AMZ1: variants seen among roughly 807,000 people sequenced by gnomAD.
AMZ1 encodes the protein archaemetzincin-1.
In AMZ1, 39 loss-of-function variants were observed where a neutral mutation model predicts 29.9. The observed-to-expected ratio is 1.30, with a 90% CI of 1.01 to 1.70. The LOEUF (loss-of-function observed/expected upper bound fraction) is 1.70. Ranked by LOEUF, AMZ1 falls within the 40% of genes most tolerant of loss-of-function variation. The pLI, the probability that AMZ1 is intolerant of heterozygous loss-of-function variation, is 0.00. For synonymous variants in AMZ1, 458 were observed against 304.0 expected (o/e 1.51, Z -5.27); for missense variants, 1,041 against 680.6 (o/e 1.53, Z -5.89).
At chr7:2,734,812 G>A (rs1044045559) in intron 4 of AMZ1, among the ~76,000 whole-genome samples, 11 of 152,172 alleles carry the variant, frequency 7.2e-5, no homozygotes, top group Non-Finnish European at 1.6e-4. Context: ...GTGGCAGGAC[G>A]GGGCGAGCAC....
At chr7:2,708,564 C>T (rs770619087) in intron 3 of AMZ1, 24 bp from the exon 4 acceptor site, 14 of 1,610,944 alleles carry the variant, frequency 8.7e-6, no homozygotes, top group Admixed American at 1.7e-5. Flanking sequence ...CTCCTGACCC[C>T]ATCCTCTGGC....
chr7:2,733,432 G>A (rs1482485584), intron 4 of AMZ1: 10 of 1,610,708 alleles, frequency 6.2e-6, no homozygotes, highest in Non-Finnish European at 8.5e-6. Context: ...AGCTTCTTCG[G>A]GCGGGCGTGC....
At chr7:2,746,712 A>T (rs1002756792) in intron 4 of AMZ1, among the ~76,000 whole-genome samples, 2 of 151,838 alleles carry the variant, frequency 1.3e-5, no homozygotes, top group Non-Finnish European at 2.9e-5. Flanking sequence ...ACCCTTCAAA[A>T]AATTAATGAA....
intron 3 of AMZ1, among the ~76,000 whole-genome samples, chr7:2,706,757 G>A (rs1240242029): frequency 6.6e-6 from 1 of 151,706 alleles, no homozygotes; most frequent in African/African-American, 2.4e-5. Flanking sequence ...AACAATGGCA[G>A]GTTCCGGGGG....
At position 2,719,008 on chromosome 7, in the gene AMZ1, C is replaced by T. The variant is rs1330683329; in HGVS notation, c.*6130C>T. On this transcript the variant is annotated 3_prime_UTR_variant, in exon 7 of 7. Transcript: ENST00000683327. ...GGAGGGAAGCTGCAAGAACAGGCGA[C>T]TTTTTTTTTTTTTTTTCCCCCCCAT... 9.5e-6 allele frequency among the ~76,000 whole-genome samples: 1 copy of T among 104,910 alleles called. No homozygotes were observed. Among genetic ancestry groups the T allele is most frequent in the South Asian group, 2.7e-4 (1 of 3,744 alleles). 68.8% of individuals were successfully genotyped at this position (104,910 alleles called of 152,430 possible).
chr7:2,704,121 C>T (rs1471136619), intron 3 of AMZ1, among the ~76,000 whole-genome samples: 2 of 152,212 alleles, frequency 1.3e-5, no homozygotes, highest in African/African-American at 4.8e-5. Context: ...GATCTCCTGA[C>T]CGCATGATCT....
In AMZ1 at chr7:2,735,650, C is replaced by G. The variant is rs112067403; in HGVS notation, n.550+25834C>G. On this transcript the variant is annotated intron_variant and non_coding_transcript_variant, in intron 4 of 4. Transcript: ENST00000489665. ...CAAACACTCACTGCTGCTTTCTCCA[C>G]GATGACTGAATGAGGATGGCTCATT... is the stretch of plus-strand genomic sequence containing the variant. 6.5e-3 allele frequency among the ~76,000 whole-genome samples: 986 copies of G among 152,342 alleles called. 11 individuals are homozygous for G. Among genetic ancestry groups the G allele is most frequent in the African/African-American group, 0.022 (915 of 41,576 alleles).
intron 4 of AMZ1, among the ~76,000 whole-genome samples, chr7:2,756,256 A>G (rs1384414779): frequency 6.6e-6 from 1 of 152,210 alleles, no homozygotes; most frequent in Non-Finnish European, 1.5e-5. Flanking sequence ...CATAACTTAA[A>G]AAAAACTCTC....
intron 1 of AMZ1, 45 bp from the exon 2 acceptor site, chr7:2,700,189 C>CTG: frequency 1.9e-6 from 1 of 526,766 alleles, no homozygotes; most frequent in South Asian, 2.6e-5. Context: ...ACATCGGGCC[C>CTG]TGTGTGCTCG....
chr7:2,752,105 T>C (rs905433964), intron 4 of AMZ1, among the ~76,000 whole-genome samples: 7 of 152,142 alleles, frequency 4.6e-5, no homozygotes, highest in Non-Finnish European at 7.4e-5. Flanking sequence ...AACAAAACTT[T>C]AGCAATTTAA....
Position 2,700,633 on chromosome 7 carries a change from G to T in AMZ1, c.182G>T (p.Arg61Leu). 1.2e-6 allele frequency: 2 copies of T among 1,611,398 alleles called. No individual in the cohort carries two copies. The highest frequency in any genetic ancestry group is 2.2e-5 in the South Asian group (2 of 91,084). Reference sequence around the variant, plus strand: ...ACGCTCTTCTGCACCCTGCTCATCCGCACGGGCTTCGACTGGCTCCTGAGC... The same window carrying T: ...ACGCTCTTCTGCACCCTGCTCATCCTCACGGGCTTCGACTGGCTCCTGAGC... The part of the protein sequence containing the change: ...QRTLFCTLLI[R>L]TGFDWLLSRP... The change falls in exon 2 of 7, where the codon CGC becomes CTC. Residue 61 changes from arginine to leucine, a missense_variant. Transcript: ENST00000683327.
intron 1 of AMZ1, among the ~76,000 whole-genome samples, chr7:2,693,654 C>T (rs1787537833): frequency 6.6e-6 from 1 of 152,230 alleles, no homozygotes; most frequent in African/African-American, 2.4e-5. Context: ...CTCCCGGGTT[C>T]ACTCCATTCT....
chr7:2,712,878 G>T lies in AMZ1; in HGVS notation c.1497G>T (p.Ter499TyrextTer20), dbSNP rs752316957. 56 of 1,516,156 alleles carry T rather than the reference G, an allele frequency of 3.7e-5. No homozygotes were observed. Among genetic ancestry groups the T allele is most frequent in the Non-Finnish European group, 4.5e-5 (51 of 1,132,256 alleles). The allele number at this position is 1,516,156 out of a possible 1,614,324, so 93.9% of individuals were successfully genotyped here. ...GTCCCTGGGATGGGGAAGAGAGTTA[G>T]TACAGCAGGGGCTGCCCTACGTCTC... The part of the protein sequence containing the change: ...APRPWDGEES[*>Y] The change falls in exon 7 of 7, where the codon TAG becomes TAT. Residue 499 changes from the stop codon to tyrosine (Y), a stop_lost. Transcript: ENST00000683327.
chr7:2,696,291 C>T (rs531629710), intron 1 of AMZ1, among the ~76,000 whole-genome samples: 2 of 141,538 alleles, frequency 1.4e-5, no homozygotes, highest in South Asian at 2.3e-4. Flanking sequence ...GAGTCTCGCT[C>T]TGTCACCCAG....
intron 4 of AMZ1, among the ~76,000 whole-genome samples, chr7:2,732,046 C>T (rs1304019402): frequency 6.6e-6 from 1 of 152,198 alleles, no homozygotes; most frequent in Non-Finnish European, 1.5e-5. Flanking sequence ...AGGAAATTTA[C>T]CATCTTTTTT....
In AMZ1 at chr7:2,731,303, G is replaced by A. The variant is rs1336567198; in HGVS notation, n.550+21487G>A. The A allele has an allele frequency of 1.9e-6, 3 of 1,613,846 alleles. No individual in the cohort carries two copies. The highest frequency in any genetic ancestry group is 2.5e-6 in the Non-Finnish European group (3 of 1,179,902). ...AAGTGGTGGAAGAGTGGCTTGCTGC[G>A]GTTCCGTCTCTTCCTGTCGAAGCAC... is the stretch of plus-strand genomic sequence containing the variant. On this transcript the variant is annotated intron_variant and non_coding_transcript_variant, in intron 4 of 4. Coordinates refer to the AMZ1 transcript ENST00000489665. The surrounding 1 kb of genome is among the most constrained non-coding windows in gnomAD (Gnocchi z 6.0).
chr7:2,697,492 T>C (rs1231940391), intron 1 of AMZ1, among the ~76,000 whole-genome samples: 1 of 152,112 alleles, frequency 6.6e-6, no homozygotes, highest in Non-Finnish European at 1.5e-5. Flanking sequence ...GGCACGATCA[T>C]GGCTCACTGC....
intron 3 of AMZ1, 81 bp downstream of exon 3, chr7:2,702,970 AG>A: frequency 2.1e-6 from 3 of 1,458,206 alleles, no homozygotes; most frequent in Non-Finnish European, 2.7e-6. Flanking sequence ...CGCCCAGGAG[AG>A]GAAGGGAACC....
In AMZ1 at chr7:2,717,069, C is replaced by G. The variant is rs965473470; in HGVS notation, c.*4191C>G. Among the ~76,000 whole-genome samples, 1 of 152,186 alleles carries G rather than the reference C, an allele frequency of 6.6e-6. No homozygotes were observed. Among genetic ancestry groups the G allele is most frequent in the African/African-American group, 2.4e-5 (1 of 41,442 alleles). On this transcript the variant is annotated 3_prime_UTR_variant, in exon 7 of 7. Coordinates refer to ENST00000683327, the MANE Select transcript of AMZ1 (RefSeq NM_001384743.1). Reference sequence around the variant, plus strand: ...CTGATCCCTGAGCAGCCCCCACACACCGGCACCCACGCCCCTCGGTTCTGA... The same window carrying G: ...CTGATCCCTGAGCAGCCCCCACACAGCGGCACCCACGCCCCTCGGTTCTGA...
Sources: gnomAD v4.1 joint callset for allele counts (sites outside exome capture counted in the v4.1 genomes callset) on GRCh38, gnomAD v4.1.1 for gene constraint, Gnocchi (gnomAD v3.1) non-coding constraint, MANE v1.5 for transcripts, NCBI Gene and HGNC (gene_info 2026-07-23, HGNC 2026-07-21) for gene names.